Variants in ARHGAP35 observed in about 807,000 individuals in gnomAD.
ARHGAP35 encodes Rho GTPase activating protein 35.
In ARHGAP35, 15 loss-of-function variants were observed where a neutral mutation model predicts 111.1. The ratio of observed to expected loss-of-function variants is 0.13; its 90% CI spans 0.09 to 0.21. The LOEUF (loss-of-function observed/expected upper bound fraction) is 0.21, where lower values mean the gene tolerates loss of function less well. ARHGAP35 is among the 10% of genes least tolerant of loss of function. ARHGAP35 has a pLI of 1.00. For synonymous variants in ARHGAP35, 643 were observed against 710.3 expected (o/e 0.91, Z 1.51); for missense variants, 1,262 against 1,873.0 (o/e 0.67, Z 6.02).
chr19:46,983,216 T>C (rs1341071015), intron 3 of ARHGAP35, among the ~76,000 whole-genome samples: 3 of 152,042 alleles, frequency 2.0e-5, no homozygotes, highest in African/African-American at 2.4e-5. Context: ...TTGAGCATCA[T>C]AGAAGAAGAA....
chr19:46,962,688 C>A (rs1244753355), intron 3 of ARHGAP35, among the ~76,000 whole-genome samples: 1 of 152,176 alleles, frequency 6.6e-6, no homozygotes, highest in Non-Finnish European at 1.5e-5. Flanking sequence ...CTCATTGCAA[C>A]CTCCACCTCC....
Position 46,988,149 on chromosome 19 carries a change from T to A in ARHGAP35, c.3904+83T>A, listed in dbSNP as rs2056661038. ...GCCTCGGTGAACTGTCTGTGGGGCT[T>A]CGGAGCACTCCTGCCAGCACAGACC... On this transcript the variant is annotated intron_variant, in intron 4 of 6. Coordinates refer to ENST00000672722, the MANE Select transcript of ARHGAP35 (RefSeq NM_004491.5). This position sits in a 1 kb window ranked among gnomAD's most constrained non-coding sequence, Gnocchi z 5.4. 7.5e-7 allele frequency: 1 copy of A among 1,336,184 alleles called. No homozygotes were observed. The highest frequency in any genetic ancestry group is 1.2e-5 in the South Asian group (1 of 80,960). 82.8% of individuals were successfully genotyped at this position (1,336,184 alleles called of 1,614,324 possible). A position where few individuals can be genotyped will look rare whatever the true frequency, so the allele number is the denominator to read the frequency against.
chr19:46,934,307 T>C (rs1052861209), intron 2 of ARHGAP35, among the ~76,000 whole-genome samples: 1 of 152,220 alleles, frequency 6.6e-6, no homozygotes, highest in African/African-American at 2.4e-5. Context: ...GAGCATTGTT[T>C]GAATCATTGT....
chr19:46,880,215 C>T (rs537252131), intron 1 of ARHGAP35, among the ~76,000 whole-genome samples: 1 of 151,606 alleles, frequency 6.6e-6, no homozygotes, highest in African/African-American at 2.4e-5. Flanking sequence ...GGTGAGTCAC[C>T]TGAGGTCAGG....
At chr19:46,991,688 T>G (rs3786711) in intron 5 of ARHGAP35, among the ~76,000 whole-genome samples, 95,563 of 152,118 alleles carry the variant, frequency 0.63, 30,668 homozygotes, top group Middle Eastern at 0.8. Context: ...CTCCCGGCCA[T>G]AGCAGTTGAC....
rs1568459494 is a variant in ARHGAP35 at position 46,879,619 on chromosome 19, A to AAATAAATAAATAAAT, written c.-189+18411_-189+18412insATAAATAAATAAATA. Reference sequence around the variant, plus strand: ...ATAAATAAATAAATAAATAAATAAAAATAAAAATACAAAAATTAGCCACGC... The same window carrying AAATAAATAAATAAAT: ...ATAAATAAATAAATAAATAAATAAAAAATAAATAAATAAATATAAAAATACAAAAATTAGCCACGC... On this transcript the variant is annotated intron_variant, in intron 1 of 6. Coordinates refer to ENST00000672722, the MANE Select transcript of ARHGAP35 (RefSeq NM_004491.5). Among the ~76,000 whole-genome samples the AAATAAATAAATAAAT allele has an allele frequency of 2.0e-3, 35 of 17,116 alleles. 1 individual carries two copies. Among genetic ancestry groups the AAATAAATAAATAAAT allele is most frequent in the African/African-American group, 4.2e-3 (30 of 7,074 alleles). The allele number at this position is 17,116 out of a possible 152,430, so 11.2% of individuals were successfully genotyped here.
intron 3 of ARHGAP35, among the ~76,000 whole-genome samples, chr19:46,972,846 G>A (rs1363359322): frequency 3.3e-5 from 5 of 152,130 alleles, no homozygotes. Flanking sequence ...TTCAAACCCA[G>A]AGCCATTGCC....
rs36048282 is a variant in ARHGAP35, at chr19:46,869,476, TTGTGTGTGTGTG to T, written c.-189+8289_-189+8300del. On this transcript the variant is annotated intron_variant, in intron 1 of 6. Transcript: ENST00000672722. Reference sequence around the variant, plus strand: ...TGAGACCTTGTCTCAAGAAAAAAAATTGTGTGTGTGTGTGTGTGTGTGTGTGTGTGTGTATTT... The same window carrying T: ...TGAGACCTTGTCTCAAGAAAAAAAATTGTGTGTGTGTGTGTGTGTGTATTT... Among the ~76,000 whole-genome samples the T allele has an allele frequency of 2.5e-3, 365 of 144,304 alleles. 1 individual carries two copies. Among genetic ancestry groups the T allele is most frequent in the Middle Eastern group, 0.014 (4 of 282 alleles). The allele number at this position is 144,304 out of a possible 152,430, so 94.7% of individuals were successfully genotyped here.
chr19:46,884,555 C>T (rs1349130621), intron 1 of ARHGAP35, among the ~76,000 whole-genome samples: 2 of 143,466 alleles, frequency 1.4e-5, no homozygotes, highest in Non-Finnish European at 3.0e-5. Flanking sequence ...GACTGGAGCG[C>T]AGTGGCATGC....
intron 1 of ARHGAP35, among the ~76,000 whole-genome samples, chr19:46,912,511 G>A (rs907053115): frequency 2.6e-5 from 4 of 151,762 alleles, no homozygotes; most frequent in African/African-American, 9.7e-5. Context: ...CCACCACCTC[G>A]CCCAGCTAAT....
intron 1 of ARHGAP35, among the ~76,000 whole-genome samples, chr19:46,868,728 G>C (rs1342056658): frequency 6.6e-6 from 1 of 151,694 alleles, no homozygotes; most frequent in Non-Finnish European, 1.5e-5. Flanking sequence ...AAAAGTATTT[G>C]GGTAGCTACA....
chr19:46,900,222 GTTTT>G (rs373787596), intron 1 of ARHGAP35, among the ~76,000 whole-genome samples: 1 of 128,664 alleles, frequency 7.8e-6, no homozygotes, highest in Non-Finnish European at 1.6e-5. Context: ...TGTTTTTTGG[GTTTT>G]TTTTTTTTTT....
At chr19:46,980,391 AAAT>A (rs908271152) in intron 3 of ARHGAP35, among the ~76,000 whole-genome samples, 1 of 152,126 alleles carries the variant, frequency 6.6e-6, no homozygotes, top group Non-Finnish European at 1.5e-5. Flanking sequence ...GTCATCTCAA[AAAT>A]AATAATAATA....
intron 3 of ARHGAP35, among the ~76,000 whole-genome samples, chr19:46,940,100 G>C (rs931544014): frequency 6.6e-6 from 1 of 151,984 alleles, no homozygotes; most frequent in East Asian, 1.9e-4. Flanking sequence ...GGCCGGGGCG[G>C]TGGCTCACGC....
chr19:46,920,481 A>G lies in ARHGAP35; in HGVS notation c.1806A>G (p.Ile602Met). ...DPNIDRINLV[I>M]LGKDGLAREL... ...ACATTGATAGAATCAACTTGGTTAT[A>G]TTGGGCAAAGACGGCCTTGCCCGAG... The change falls in exon 2 of 7, where the codon ATA (isoleucine) becomes ATG (methionine). Residue 602 changes from isoleucine to methionine, a missense_variant. Physicochemically the swap from Ile to Met is conservative, Grantham distance 10 (BLOSUM62 1). Around this residue, in one of 8 missense-constraint regions of ARHGAP35, gnomAD observed 328 missense variants for 440.8 expected, o/e 0.74. Coordinates refer to ENST00000672722, the MANE Select transcript of ARHGAP35 (RefSeq NM_004491.5). This position sits in a 1 kb window ranked among gnomAD's most constrained non-coding sequence, Gnocchi z 7.0. 6.2e-7 allele frequency: 1 copy of G among 1,614,000 alleles called. No homozygotes were observed. Among genetic ancestry groups the G allele is most frequent in the Non-Finnish European group, 8.5e-7 (1 of 1,179,844 alleles).
At chr19:46,932,431 C>T (rs1182888323) in intron 2 of ARHGAP35, among the ~76,000 whole-genome samples, 2 of 152,160 alleles carry the variant, frequency 1.3e-5, no homozygotes, top group Non-Finnish European at 2.9e-5. Flanking sequence ...TTACTTTCTC[C>T]TTTTCAAGGA....
chr19:46,905,559 C>CCG (rs920602558), intron 1 of ARHGAP35, among the ~76,000 whole-genome samples: 3 of 145,186 alleles, frequency 2.1e-5, no homozygotes, highest in African/African-American at 7.6e-5. Flanking sequence ...TATTCCACCC[C>CCG]CCCCCCCCAA....
At position 47,003,573 on chromosome 19, in the gene ARHGAP35, C is replaced by T. The variant is rs938507659; in HGVS notation, c.*2885C>T. 2.0e-5 allele frequency: 3 copies of T among 152,256 alleles called. No individual in the cohort carries two copies. Among genetic ancestry groups the T allele is most frequent in the African/African-American group, 7.2e-5 (3 of 41,458 alleles). 9.4% of individuals were successfully genotyped at this position (152,256 alleles called of 1,614,324 possible). A position where few individuals can be genotyped will look rare whatever the true frequency, so the allele number is the denominator to read the frequency against. ...GTCGCATACTGGGTGTCACGGCACACATTTACTCTGCATTGTCCCCGTCTT... is the reference window on the plus strand; with the variant it reads ...GTCGCATACTGGGTGTCACGGCACATATTTACTCTGCATTGTCCCCGTCTT... On this transcript the variant is annotated 3_prime_UTR_variant, in exon 7 of 7. Coordinates refer to ENST00000672722, the MANE Select transcript of ARHGAP35 (RefSeq NM_004491.5).
At chr19:46,909,939 A>T (rs925393208) in intron 1 of ARHGAP35, among the ~76,000 whole-genome samples, 2 of 151,870 alleles carry the variant, frequency 1.3e-5, no homozygotes, top group South Asian at 4.2e-4. Context: ...GAGCCACCAC[A>T]CCCAGCTCAA....
Sources: gnomAD v4.1 joint callset for allele counts (sites outside exome capture counted in the v4.1 genomes callset) on GRCh38, gnomAD v4.1.1 for gene constraint, gnomAD v4.1.1 regional missense constraint, Gnocchi (gnomAD v3.1) non-coding constraint, MANE v1.5 for transcripts, NCBI Gene and HGNC (gene_info 2026-07-23, HGNC 2026-07-21) for gene names.